Variants in NLGN1 observed in about 807,000 individuals in gnomAD.
NLGN1 encodes the protein neuroligin-1.
NLGN1 carries 12 observed loss-of-function variants against 65.5 expected under a neutral mutation model. The observed-to-expected ratio is 0.18, with a 90% confidence interval of 0.12 to 0.30. The LOEUF (loss-of-function observed/expected upper bound fraction) is 0.30, where lower values mean the gene tolerates loss of function less well. NLGN1 is among the 10% of genes least tolerant of loss of function. The probability of loss-of-function intolerance (pLI) is 1.00; values close to 1 mark genes in which losing one functional copy is unlikely to be tolerated. For synonymous variants in NLGN1, 350 were observed against 359.5 expected (o/e 0.97, Z 0.30); for missense variants, 750 against 1,007.1 (o/e 0.74, Z 3.46).
At chr3:174,225,297 C>G (rs1223584119) in intron 4 of NLGN1, among the ~76,000 whole-genome samples, 1 of 152,192 alleles carries the variant, frequency 6.6e-6, no homozygotes, top group African/African-American at 2.4e-5. Flanking sequence ...TAAAGAATCT[C>G]TGCCCTAAGG....
At chr3:174,265,108 CTGCAGAGGTTAT>C (rs1395181631) in intron 4 of NLGN1, among the ~76,000 whole-genome samples, 1 of 151,688 alleles carries the variant, frequency 6.6e-6, no homozygotes. Flanking sequence ...ACATTTAAGT[CTGCAGAGGTTAT>C]TGCTGTCTTT....
chr3:173,413,750 C>G (rs9819967), intron 1 of NLGN1, among the ~76,000 whole-genome samples: 3,563 of 152,266 alleles, frequency 0.023, 143 homozygotes, highest in African/African-American at 0.082. Flanking sequence ...CCCCAGATGT[C>G]TAGAGAAGTT....
intron 4 of NLGN1, among the ~76,000 whole-genome samples, chr3:174,109,382 AC>A (rs1240376375): frequency 6.6e-6 from 1 of 151,904 alleles, no homozygotes; most frequent in East Asian, 1.9e-4. Context: ...ACGTAAAGTC[AC>A]TGTTATACTC....
At chr3:174,271,405 C>T (rs554824870) in intron 4 of NLGN1, among the ~76,000 whole-genome samples, 24 of 151,900 alleles carry the variant, frequency 1.6e-4, no homozygotes, top group African/African-American at 5.8e-4. Context: ...AGGGCTACTG[C>T]CTGACAATTT....
intron 4 of NLGN1, among the ~76,000 whole-genome samples, chr3:173,934,169 G>A (rs1744642028): frequency 6.7e-6 from 1 of 150,304 alleles, no homozygotes; most frequent in Non-Finnish European, 1.5e-5. Context: ...CATTAAAAAA[G>A]TTGGGGTGTT....
At chr3:174,020,280 T>G (rs888826101) in intron 4 of NLGN1, among the ~76,000 whole-genome samples, 11 of 152,214 alleles carry the variant, frequency 7.2e-5, no homozygotes, top group African/African-American at 2.6e-4. Context: ...TATGACATAA[T>G]TCTTTGTCAA....
chr3:174,212,516 C>T (rs984957504), intron 4 of NLGN1, among the ~76,000 whole-genome samples: 13 of 152,314 alleles, frequency 8.5e-5, no homozygotes, highest in African/African-American at 2.6e-4. Flanking sequence ...CTGAGGACTG[C>T]CAGCATGCTG....
intron 3 of NLGN1, among the ~76,000 whole-genome samples, chr3:173,739,224 G>A (rs1331704800): frequency 2.0e-5 from 3 of 152,048 alleles, no homozygotes; most frequent in Non-Finnish European, 4.4e-5. Flanking sequence ...CTCGAATAAA[G>A]GAGACCACAT....
intron 4 of NLGN1, among the ~76,000 whole-genome samples, chr3:174,162,864 G>A (rs1157252287): frequency 6.6e-6 from 1 of 151,476 alleles, no homozygotes; most frequent in Non-Finnish European, 1.5e-5. Flanking sequence ...TAATTCTATG[G>A]CTACTCTCTG....
rs1428268220 is a variant in NLGN1, at chr3:174,281,043, A to G, written c.2212A>G (p.Thr738Ala). 51 of 1,613,182 alleles carry G rather than the reference A, an allele frequency of 3.2e-5. No homozygotes were observed. Among genetic ancestry groups the G allele is most frequent in the Non-Finnish European group, 4.2e-5 (50 of 1,179,582 alleles). Residue 738 changes from threonine to alanine, a missense_variant, in exon 7 of 7, where the codon ACT becomes GCT. Thr to Ala is a moderately conservative substitution (Grantham distance 58). Transcript: ENST00000457714. ...AATCATGTCCCTCCAAATGAAGCAC[A>G]CTGATTTGGATCATGAATGTGAGTC...
chr3:174,057,002 C>T (rs750121136), intron 4 of NLGN1, among the ~76,000 whole-genome samples: 1 of 151,812 alleles, frequency 6.6e-6, no homozygotes, highest in East Asian at 1.9e-4. Context: ...TGCCTAATTA[C>T]ATCCAGTCAT....
intron 4 of NLGN1, among the ~76,000 whole-genome samples, chr3:174,119,682 C>A (rs1561088058): frequency 6.6e-6 from 1 of 152,176 alleles, no homozygotes. Context: ...AAACTAGCTT[C>A]TTAACTTAGA....
At chr3:173,515,026 G>A (rs1213703677) in intron 2 of NLGN1, among the ~76,000 whole-genome samples, 1 of 152,146 alleles carries the variant, frequency 6.6e-6, no homozygotes, top group Non-Finnish European at 1.5e-5. Flanking sequence ...TACCCAGAAT[G>A]GGATTGCTGA....
chr3:173,938,558 CAT>C (rs775617644), intron 4 of NLGN1, among the ~76,000 whole-genome samples: 2 of 152,120 alleles, frequency 1.3e-5, no homozygotes, highest in South Asian at 4.1e-4. Context: ...CCCGTGTTGA[CAT>C]ATACTGCTAT....
chr3:174,009,402 T>C (rs938487530), intron 4 of NLGN1, among the ~76,000 whole-genome samples: 1 of 152,176 alleles, frequency 6.6e-6, no homozygotes, highest in African/African-American at 2.4e-5. Context: ...TGAGTGTTTA[T>C]TATATGTCAT....
chr3:173,574,620 C>G (rs894675757), intron 2 of NLGN1, among the ~76,000 whole-genome samples: 2 of 152,096 alleles, frequency 1.3e-5, no homozygotes, highest in Non-Finnish European at 2.9e-5. Flanking sequence ...AACTAACATA[C>G]TTAATGGACA....
At chr3:173,754,046 T>TGTTGTTGTTGTTG in intron 3 of NLGN1, among the ~76,000 whole-genome samples, 1 of 147,384 alleles carries the variant, frequency 6.8e-6, no homozygotes, top group South Asian at 2.1e-4. Context: ...TTGTTTTTTT[T>TGTTGTTGTTGTTG]TTTGTTGTTG....
intron 3 of NLGN1, among the ~76,000 whole-genome samples, chr3:173,655,111 A>G (rs574017837): frequency 6.6e-6 from 1 of 152,318 alleles, no homozygotes; most frequent in African/African-American, 2.4e-5. Flanking sequence ...ACCTTGCAGA[A>G]GTTTGTTAAA....
At chr3:173,707,419 G>T (rs892509680) in intron 3 of NLGN1, among the ~76,000 whole-genome samples, 1 of 152,178 alleles carries the variant, frequency 6.6e-6, no homozygotes, top group Non-Finnish European at 1.5e-5. Context: ...TTCAAAAGTA[G>T]TAAGTGTATC....
Sources: gnomAD v4.1 joint callset for allele counts (sites outside exome capture counted in the v4.1 genomes callset) on GRCh38, gnomAD v4.1.1 for gene constraint, MANE v1.5 for transcripts, NCBI Gene and HGNC (gene_info 2026-07-23, HGNC 2026-07-21) for gene names.